The following FOXP1 variants were observed in gnomAD, a reference collection of about 807,000 sequenced individuals.
FOXP1 encodes forkhead box P1, also known as forkhead box protein P1.
In FOXP1, 15 loss-of-function variants were observed where a neutral mutation model predicts 98.2. The observed-to-expected ratio is 0.15, with a 90% CI of 0.10 to 0.24. The LOEUF (loss-of-function observed/expected upper bound fraction) is 0.24. Ranked by LOEUF, FOXP1 falls within the 10% of genes least tolerant of loss-of-function variation. The pLI, the probability that FOXP1 is intolerant of heterozygous loss-of-function variation, is 1.00. For missense variants in FOXP1, 633 were observed against 848.5 expected (o/e 0.75, Z 3.15); for synonymous variants, 371 against 314.5 (o/e 1.18, Z -1.90).
chr3:71,451,343 A>G (rs567944004), intron 3 of FOXP1, among the ~76,000 whole-genome samples: 1 of 152,338 alleles, frequency 6.6e-6, no homozygotes, highest in South Asian at 2.1e-4. Flanking sequence ...AGGATTGTGA[A>G]AGCCCGATGA....
At chr3:71,060,042 C>A (rs1234208563) in intron 7 of FOXP1, among the ~76,000 whole-genome samples, 1 of 152,028 alleles carries the variant, frequency 6.6e-6, no homozygotes, top group Non-Finnish European at 1.5e-5. Context: ...TTTTCTAACA[C>A]TAAGAATTAA....
At chr3:71,280,647 T>G (rs1350469261) in intron 5 of FOXP1, among the ~76,000 whole-genome samples, 1 of 152,048 alleles carries the variant, frequency 6.6e-6, no homozygotes, top group East Asian at 1.9e-4. Context: ...TTTTTTGTTT[T>G]CAAAATAATT....
intron 2 of FOXP1, among the ~76,000 whole-genome samples, chr3:71,555,735 A>C (rs2046079037): frequency 6.6e-6 from 1 of 152,222 alleles, no homozygotes; most frequent in Non-Finnish European, 1.5e-5. Flanking sequence ...AGTGCATGGA[A>C]ATAAGCCCTA....
At chr3:71,309,483 C>T (rs1403985838) in intron 4 of FOXP1, among the ~76,000 whole-genome samples, 3 of 151,394 alleles carry the variant, frequency 2.0e-5, no homozygotes, top group South Asian at 2.1e-4. Flanking sequence ...AAGAAAATAT[C>T]GCCAAGGGCA....
chr3:71,574,821 T>C (rs2047604627), intron 2 of FOXP1, among the ~76,000 whole-genome samples: 1 of 152,206 alleles, frequency 6.6e-6, no homozygotes, highest in South Asian at 2.1e-4. Flanking sequence ...AAACCACCGA[T>C]GTTCCAGGTT....
At chr3:71,027,555 C>T (rs138469922) in intron 11 of FOXP1, among the ~76,000 whole-genome samples, 1 of 152,288 alleles carries the variant, frequency 6.6e-6, no homozygotes, top group East Asian at 1.9e-4. Context: ...TTCTTCTCTA[C>T]ATTTAATTCA....
intron 4 of FOXP1, among the ~76,000 whole-genome samples, chr3:71,307,448 G>C (rs1448515077): frequency 1.3e-5 from 2 of 152,104 alleles, no homozygotes; most frequent in East Asian, 3.8e-4. Flanking sequence ...ATAACATGGA[G>C]AAAAGGCAAA....
chr3:71,515,449 A>AAAAAAC (rs1560592247), intron 2 of FOXP1, among the ~76,000 whole-genome samples: 5 of 140,592 alleles, frequency 3.6e-5, no homozygotes, highest in Non-Finnish European at 6.2e-5. Flanking sequence ...AAAAAAAAAA[A>AAAAAAC]AAAACTGCAC....
chr3:71,168,535 C>A (rs2061494291), intron 6 of FOXP1, among the ~76,000 whole-genome samples: 1 of 152,182 alleles, frequency 6.6e-6, no homozygotes, highest in Admixed American at 6.5e-5. Flanking sequence ...GTTTTCCATA[C>A]CACTCAGACA....
At chr3:71,429,476 T>C (rs916065871) in intron 3 of FOXP1, among the ~76,000 whole-genome samples, 5 of 8,938 alleles carry the variant, frequency 5.6e-4, no homozygotes, top group African/African-American at 2.2e-3. Context: ...TCGTGAGAAC[T>C]TGGGGGTGGG....
intron 13 of FOXP1, among the ~76,000 whole-genome samples, chr3:70,998,715 T>C (rs1395777686): frequency 2.0e-5 from 3 of 152,170 alleles, no homozygotes; most frequent in Non-Finnish European, 2.9e-5. Flanking sequence ...ATGAAATCTA[T>C]AAATAATCAA....
intron 5 of FOXP1, among the ~76,000 whole-genome samples, chr3:71,199,898 A>G (rs1200592746): frequency 6.6e-6 from 1 of 151,966 alleles, no homozygotes; most frequent in Non-Finnish European, 1.5e-5. Context: ...CAATATGGTG[A>G]AACCCTGCCT....
At chr3:71,001,715 C>T (rs2042147425) in intron 12 of FOXP1, among the ~76,000 whole-genome samples, 1 of 152,152 alleles carries the variant, frequency 6.6e-6, no homozygotes, top group Non-Finnish European at 1.5e-5. Context: ...GTATGCCTGT[C>T]TTGTGGTCCT....
chr3:71,290,991 C>G (rs958749108), intron 5 of FOXP1, among the ~76,000 whole-genome samples: 1 of 152,228 alleles, frequency 6.6e-6, no homozygotes, highest in African/African-American at 2.4e-5. Flanking sequence ...TAGGCTACAT[C>G]TCTGCTCACC....
intron 5 of FOXP1, among the ~76,000 whole-genome samples, chr3:71,279,509 C>A (rs2071286755): frequency 6.6e-6 from 1 of 152,098 alleles, no homozygotes; most frequent in Non-Finnish European, 1.5e-5. Context: ...CAAATCACAG[C>A]ACAGTCTCCC....
At chr3:70,961,307 T>TGCAA (rs1230828210) in intron 20 of FOXP1, among the ~76,000 whole-genome samples, 1 of 152,118 alleles carries the variant, frequency 6.6e-6, no homozygotes, top group East Asian at 1.9e-4. Context: ...CTCGGCTCAC[T>TGCAA]GCAACCTCCA....
At chr3:71,009,707 A>G (rs1030099651) in intron 12 of FOXP1, among the ~76,000 whole-genome samples, 3 of 152,106 alleles carry the variant, frequency 2.0e-5, no homozygotes, top group African/African-American at 7.2e-5. Flanking sequence ...AGTGCCTAGT[A>G]TGGGCTAGGC....
chr3:71,352,470 C>CAAAAAAAAAAAAAAAAAAA (rs34693899), intron 4 of FOXP1, among the ~76,000 whole-genome samples: 1 of 67,130 alleles, frequency 1.5e-5, no homozygotes, highest in Non-Finnish European at 2.5e-5. Context: ...GACTCCATCT[C>CAAAAAAAAAAAAAAAAAAA]AAAAAAAAAA....
At chr3:71,004,471 A>G (rs922977812) in intron 12 of FOXP1, among the ~76,000 whole-genome samples, 6 of 152,210 alleles carry the variant, frequency 3.9e-5, no homozygotes, top group Non-Finnish European at 7.3e-5. Flanking sequence ...GTAGTGATTA[A>G]TAGTTAAGAA....
Sources: gnomAD v4.1 joint callset for allele counts (sites outside exome capture counted in the v4.1 genomes callset) on GRCh38, gnomAD v4.1.1 for gene constraint, MANE v1.5 for transcripts, NCBI Gene and HGNC (gene_info 2026-07-23, HGNC 2026-07-21) for gene names.